C8orf34: variants seen among roughly 807,000 people sequenced by gnomAD.
C8orf34 encodes the protein chromosome 8 open reading frame 34, also known as uncharacterized protein C8orf34.
In C8orf34, 65 loss-of-function variants were observed where a neutral mutation model predicts 68.3. That is an observed-to-expected ratio of 0.95 (90% CI 0.78 to 1.17). C8orf34 has a LOEUF of 1.17. Among genes scored for constraint, C8orf34 ranks in the 50% most tolerant of loss-of-function variants. The probability of loss-of-function intolerance (pLI) is 0.00; values close to 1 mark genes in which losing one functional copy is unlikely to be tolerated. For missense variants in C8orf34, 664 were observed against 655.4 expected, an observed-to-expected ratio of 1.01 and a Z score of -0.14; for synonymous variants, 244 against 241.2, an observed-to-expected ratio of 1.01 and a Z score of -0.11.
chr8:68,450,889 T>C (rs28815768), intron 3 of C8orf34, among the ~76,000 whole-genome samples: 1 of 152,122 alleles, frequency 6.6e-6, no homozygotes, highest in Admixed American at 6.6e-5. Flanking sequence ...AGAGTCAGCC[T>C]ATCCTTTGAA....
intron 7 of C8orf34, among the ~76,000 whole-genome samples, chr8:68,578,971 T>C (rs1374613133): frequency 1.3e-5 from 2 of 152,064 alleles, no homozygotes; most frequent in Non-Finnish European, 2.9e-5. Flanking sequence ...GCATGCAAAA[T>C]AAATAAGGCT....
intron 10 of C8orf34, among the ~76,000 whole-genome samples, chr8:68,761,230 C>T (rs933904947): frequency 2.0e-5 from 3 of 152,140 alleles, no homozygotes; most frequent in Admixed American, 6.5e-5. Context: ...TGTGGTGGCC[C>T]AGCTTTAGAA....
At chr8:68,427,359 CA>C (rs1354223965) in intron 1 of C8orf34, among the ~76,000 whole-genome samples, 1 of 151,998 alleles carries the variant, frequency 6.6e-6, no homozygotes, top group Non-Finnish European at 1.5e-5. Context: ...TAATACTCAG[CA>C]ATAAAAAGGA....
In C8orf34 at chr8:68,444,570, T is replaced by G. The variant is rs185773766; in HGVS notation, c.476-1759T>G. Among the ~76,000 whole-genome samples the G allele has an allele frequency of 5.5e-4, 84 of 152,230 alleles. 1 individual carries two copies. Among genetic ancestry groups the G allele is most frequent in the Admixed American group, 3.7e-3 (56 of 15,302 alleles). Reference sequence around the variant, plus strand: ...ACAAATAGTGTAGGTGGACTCTTCTTTGTTCTCTCTCCATATAGCTTGGAA... The same window carrying G: ...ACAAATAGTGTAGGTGGACTCTTCTGTGTTCTCTCTCCATATAGCTTGGAA... On this transcript the variant is annotated intron_variant, in intron 2 of 13. Coordinates refer to ENST00000518698, the MANE Select transcript of C8orf34 (RefSeq NM_052958.4).
chr8:68,472,122 A>C (rs1812404878), intron 4 of C8orf34, among the ~76,000 whole-genome samples: 1 of 152,152 alleles, frequency 6.6e-6, no homozygotes. Flanking sequence ...GGCAATCTGC[A>C]TGATATTGCT....
intron 7 of C8orf34, among the ~76,000 whole-genome samples, chr8:68,621,537 C>T (rs755962500): frequency 9.9e-5 from 15 of 152,100 alleles, no homozygotes; most frequent in South Asian, 2.1e-4. Flanking sequence ...AAATATTCTA[C>T]GGTCAACTTG....
chr8:68,548,895 A>C (rs1815975071), intron 7 of C8orf34, among the ~76,000 whole-genome samples: 1 of 151,842 alleles, frequency 6.6e-6, no homozygotes, highest in Non-Finnish European at 1.5e-5. Context: ...ATTGCTATTG[A>C]CTAAATTTTG....
chr8:68,790,731 G>A (rs1585888013), intron 12 of C8orf34: 1 of 550,796 alleles, frequency 1.8e-6, no homozygotes. Flanking sequence ...ATTATGGTCT[G>A]AAGTCACTAA....
Position 68,818,496 on chromosome 8 carries a change from A to C in C8orf34, c.*250A>C, listed in dbSNP as rs1376309717. 1 of 413,616 alleles carries C rather than the reference A, an allele frequency of 2.4e-6. No homozygotes were observed. The highest frequency in any genetic ancestry group is 4.3e-6 in the Non-Finnish European group (1 of 229,924). The allele number at this position is 413,616 out of a possible 1,614,324, so 25.6% of individuals were successfully genotyped here. A position where few individuals can be genotyped will look rare whatever the true frequency, so the allele number is the denominator to read the frequency against. On this transcript the variant is annotated 3_prime_UTR_variant, in exon 14 of 14. Transcript: ENST00000518698. Reference sequence around the variant, plus strand: ...TTGACATGGTTAGAGTCCTGGGTTTAGATTACTTTATAAATAGTTATTAAG... The same window carrying C: ...TTGACATGGTTAGAGTCCTGGGTTTCGATTACTTTATAAATAGTTATTAAG...
At chr8:68,378,425 T>A (rs1807896622) in intron 1 of C8orf34, among the ~76,000 whole-genome samples, 1 of 152,138 alleles carries the variant, frequency 6.6e-6, no homozygotes, top group African/African-American at 2.4e-5. Flanking sequence ...ACCTTCCAAG[T>A]AGCTGGAACT....
intron 8 of C8orf34, among the ~76,000 whole-genome samples, chr8:68,643,930 A>C (rs1185544872): frequency 6.6e-6 from 1 of 152,204 alleles, no homozygotes; most frequent in Non-Finnish European, 1.5e-5. Context: ...CTAGACTCTG[A>C]GGCCAGCAGT....
At chr8:68,535,160 G>GT (rs1467087016) in intron 7 of C8orf34, 1 of 984,716 alleles carries the variant, frequency 1.0e-6, no homozygotes, top group Non-Finnish European at 1.2e-6. Context: ...CCAGCAAAAT[G>GT]TATGTGATTG....
At chr8:68,638,100 C>T (rs1261062985) in intron 7 of C8orf34, among the ~76,000 whole-genome samples, 2 of 152,084 alleles carry the variant, frequency 1.3e-5, no homozygotes, top group African/African-American at 4.8e-5. Context: ...GGATCTTGAT[C>T]CAATATGGTG....
intron 1 of C8orf34, among the ~76,000 whole-genome samples, chr8:68,369,812 A>G (rs559370800): frequency 6.6e-6 from 1 of 152,326 alleles, no homozygotes; most frequent in South Asian, 2.1e-4. Context: ...CAGCCACTCA[A>G]TGTAGCATTC....
At chr8:68,648,952 T>C (rs1204556763) in intron 8 of C8orf34, among the ~76,000 whole-genome samples, 2 of 152,216 alleles carry the variant, frequency 1.3e-5, no homozygotes, top group African/African-American at 4.8e-5. Context: ...GTCTATATTA[T>C]TTATTAGTTG....
intron 10 of C8orf34, among the ~76,000 whole-genome samples, chr8:68,735,780 T>C (rs892280753): frequency 5.9e-5 from 9 of 152,236 alleles, no homozygotes; most frequent in African/African-American, 2.2e-4. Flanking sequence ...TAGCCAATTC[T>C]ATCACTTATT....
chr8:68,525,749 T>A, intron 6 of C8orf34: 1 of 630,596 alleles, frequency 1.6e-6, no homozygotes, highest in Non-Finnish European at 3.0e-6. Context: ...TCTGTGATCA[T>A]CAATGATTTT....
intron 7 of C8orf34, among the ~76,000 whole-genome samples, chr8:68,619,064 C>G (rs529248958): frequency 1.1e-4 from 17 of 151,944 alleles, no homozygotes; most frequent in Non-Finnish European, 2.9e-5. Context: ...CACTGTGACT[C>G]CACCTGTAAT....
chr8:68,604,065 G>A (rs1167367488), intron 7 of C8orf34, among the ~76,000 whole-genome samples: 1 of 152,008 alleles, frequency 6.6e-6, no homozygotes, highest in Admixed American at 6.6e-5. Context: ...AAAACACCAT[G>A]GAAATTCAAA....
Sources: allele counts gnomAD v4.1 joint callset (sites outside exome capture counted in the v4.1 genomes callset), GRCh38; gene constraint gnomAD v4.1.1; transcripts MANE v1.5; gene names NCBI Gene and HGNC (gene_info 2026-07-23, HGNC 2026-07-21).